EFNA5: variants seen among roughly 807,000 people sequenced by gnomAD.
EFNA5 encodes the protein ephrin A5, also known as ephrin-A5.
EFNA5 carries 5 observed loss-of-function variants against 22.9 expected under a neutral mutation model. The ratio of observed to expected loss-of-function variants is 0.22; its 90% CI spans 0.11 to 0.46. EFNA5 has a LOEUF of 0.46. Among genes scored for constraint, EFNA5 ranks in the 20% least tolerant of loss-of-function variants. The pLI is 0.99. For synonymous variants in EFNA5, 113 were observed against 112.2 expected, an observed-to-expected ratio of 1.01 and a Z score of -0.04; for missense variants, 237 against 293.3, an observed-to-expected ratio of 0.81 and a Z score of 1.40.
intron 1 of EFNA5, among the ~76,000 whole-genome samples, chr5:107,659,212 A>C (rs186483506): frequency 3.3e-5 from 5 of 152,268 alleles, no homozygotes; most frequent in Admixed American, 3.3e-4. Context: ...TCAGTGTGAA[A>C]ACTTTGGAAA....
intron 1 of EFNA5, among the ~76,000 whole-genome samples, chr5:107,614,545 C>A (rs1047647619): frequency 6.6e-6 from 1 of 152,096 alleles, no homozygotes; most frequent in Non-Finnish European, 1.5e-5. Context: ...TGTCATGTGT[C>A]CATTTATCAT....
intron 1 of EFNA5, among the ~76,000 whole-genome samples, chr5:107,534,265 G>C (rs923881454): frequency 6.6e-6 from 1 of 152,106 alleles, no homozygotes; most frequent in Non-Finnish European, 1.5e-5. Context: ...AAACTATAAG[G>C]GGTCTGATAC....
intron 1 of EFNA5, among the ~76,000 whole-genome samples, chr5:107,569,334 G>A (rs1748723951): frequency 7.3e-6 from 1 of 137,328 alleles, no homozygotes; most frequent in South Asian, 2.2e-4. Context: ...TTAATAGAAA[G>A]GACTGCAGAC....
intron 1 of EFNA5, among the ~76,000 whole-genome samples, chr5:107,564,534 A>G (rs1337493045): frequency 6.6e-6 from 1 of 152,182 alleles, no homozygotes; most frequent in Non-Finnish European, 1.5e-5. Flanking sequence ...CTCATAATAC[A>G]GGTACCCAAC....
At chr5:107,454,430 A>G (rs1282184772) in intron 1 of EFNA5, among the ~76,000 whole-genome samples, 1 of 152,172 alleles carries the variant, frequency 6.6e-6, no homozygotes, top group Admixed American at 6.6e-5. Context: ...AATCAGCTGT[A>G]ATCATCATTT....
intron 1 of EFNA5, among the ~76,000 whole-genome samples, chr5:107,659,379 G>A (rs1022122421): frequency 3.9e-5 from 6 of 152,028 alleles, no homozygotes; most frequent in Admixed American, 6.6e-5. Flanking sequence ...CAGGGATGGC[G>A]TGGATGACTG....
At chr5:107,418,914 C>T (rs577077587) in intron 2 of EFNA5, among the ~76,000 whole-genome samples, 13 of 152,330 alleles carry the variant, frequency 8.5e-5, no homozygotes, top group Non-Finnish European at 1.8e-4. Flanking sequence ...CCTTTAGTCA[C>T]TTAACAGGGC....
intron 1 of EFNA5, among the ~76,000 whole-genome samples, chr5:107,587,520 G>A (rs949437373): frequency 2.7e-5 from 4 of 149,682 alleles, no homozygotes; most frequent in Admixed American, 2.0e-4. Flanking sequence ...TATAGTTTTT[G>A]TTGTTGTTGT....
Position 107,403,395 on chromosome 5 carries a change from A to G in EFNA5, c.419-15624T>C, listed in dbSNP as rs137936990. On this transcript the variant is annotated intron_variant, in intron 2 of 4. Transcript: ENST00000333274. ...TGAGCAATAAAAAATGAAATAATGA[A>G]TAATACTTTCAGTATCCAAGCATCT... 4.0e-4 allele frequency among the ~76,000 whole-genome samples: 61 copies of G among 152,360 alleles called. 2 individuals are homozygous for G. Among genetic ancestry groups the G allele is most frequent in the African/African-American group, 1.4e-3 (60 of 41,594 alleles).
At chr5:107,586,550 A>G (rs1161699587) in intron 1 of EFNA5, among the ~76,000 whole-genome samples, 1 of 152,210 alleles carries the variant, frequency 6.6e-6, no homozygotes, top group African/African-American at 2.4e-5. Flanking sequence ...AGGCATCCCT[A>G]GAGTGCTTTC....
At chr5:107,591,555 G>T (rs1441752677) in intron 1 of EFNA5, among the ~76,000 whole-genome samples, 1 of 151,620 alleles carries the variant, frequency 6.6e-6, no homozygotes, top group Non-Finnish European at 1.5e-5. Flanking sequence ...GGGTGCAGTG[G>T]CTCACACTGT....
chr5:107,532,659 T>C (rs1400993725), intron 1 of EFNA5, among the ~76,000 whole-genome samples: 1 of 152,208 alleles, frequency 6.6e-6, no homozygotes, highest in East Asian at 1.9e-4. Context: ...ATTGGACATG[T>C]GGACCGAATC....
At chr5:107,644,628 A>T (rs990341335) in intron 1 of EFNA5, among the ~76,000 whole-genome samples, 2 of 152,216 alleles carry the variant, frequency 1.3e-5, no homozygotes, top group African/African-American at 4.8e-5. Flanking sequence ...CACATAATAG[A>T]TGCTCAATCA....
chr5:107,558,219 C>T (rs887057774), intron 1 of EFNA5, among the ~76,000 whole-genome samples: 4 of 152,012 alleles, frequency 2.6e-5, no homozygotes, highest in East Asian at 1.9e-4. Flanking sequence ...AAGTTTTAAC[C>T]CCCACTCCCG....
At chr5:107,612,539 T>G (rs922998611) in intron 1 of EFNA5, among the ~76,000 whole-genome samples, 3 of 152,158 alleles carry the variant, frequency 2.0e-5, no homozygotes, top group Admixed American at 6.5e-5. Flanking sequence ...CCAAAATATC[T>G]ACCTTGATTA....
chr5:107,615,284 G>A (rs1207726461), intron 1 of EFNA5, among the ~76,000 whole-genome samples: 1 of 151,968 alleles, frequency 6.6e-6, no homozygotes, highest in African/African-American at 2.4e-5. Context: ...TTATCATTTC[G>A]ATATCCCCTC....
rs1431607765 is a variant in EFNA5, at chr5:107,379,808, G to C, written c.*1447C>G. The C allele has an allele frequency of 6.6e-6, 1 of 151,560 alleles. No individual in the cohort carries two copies. The highest frequency in any genetic ancestry group is 1.5e-5 in the Non-Finnish European group (1 of 67,986). 9.4% of individuals were successfully genotyped at this position (151,560 alleles called of 1,614,324 possible). On this transcript the variant is annotated 3_prime_UTR_variant, in exon 5 of 5. Coordinates refer to ENST00000333274, the MANE Select transcript of EFNA5 (RefSeq NM_001962.3). ...CCCCATATTTCTAAATGTATCAAGG[G>C]ATACCACTTTTTCTCACAAGTTTAA... is the stretch of plus-strand genomic sequence containing the variant.
chr5:107,476,301 C>A (rs952348902), intron 1 of EFNA5, among the ~76,000 whole-genome samples: 5 of 151,636 alleles, frequency 3.3e-5, no homozygotes, highest in East Asian at 2.0e-4. Flanking sequence ...GATCCACCCA[C>A]CTCAGCCTCC....
intron 1 of EFNA5, among the ~76,000 whole-genome samples, chr5:107,442,899 C>T (rs1749292149): frequency 8.1e-6 from 1 of 123,342 alleles, no homozygotes; most frequent in African/African-American, 3.1e-5. Flanking sequence ...TTCTAGAAAA[C>T]TTCCCGAGGA....
Sources: gnomAD v4.1 joint callset for allele counts (sites outside exome capture counted in the v4.1 genomes callset) on GRCh38, gnomAD v4.1.1 for gene constraint, MANE v1.5 for transcripts, NCBI Gene and HGNC (gene_info 2026-07-23, HGNC 2026-07-21) for gene names.